SCGB2B2: variants seen among roughly 807,000 people sequenced by gnomAD.
SCGB2B2 encodes the protein secretoglobin-like protein.
In SCGB2B2, 11 loss-of-function variants were observed where a neutral mutation model predicts 7.6. The observed-to-expected ratio is 1.45, with a 90% CI of 0.91 to 2.40. The LOEUF (loss-of-function observed/expected upper bound fraction) is 2.40. Ranked by LOEUF, SCGB2B2 falls within the 30% of genes most tolerant of loss-of-function variation. The pLI, the probability that SCGB2B2 is intolerant of heterozygous loss-of-function variation, is 0.00. For missense variants in SCGB2B2, 104 were observed against 115.4 expected (o/e 0.90, Z 0.45); for synonymous variants, 50 against 48.6 (o/e 1.03, Z -0.12).
chr19:34,631,289 T>A (rs2066526499), intron 1 of SCGB2B2, among the ~76,000 whole-genome samples: 1 of 151,136 alleles, frequency 6.6e-6, no homozygotes, highest in Admixed American at 6.6e-5. Context: ...TTGTAAACTT[T>A]CTTAGAACAT....
chr19:34,644,393 A>AT (rs1237866108), intron 1 of SCGB2B2, among the ~76,000 whole-genome samples: 1 of 147,020 alleles, frequency 6.8e-6, no homozygotes, highest in East Asian at 2.0e-4. Flanking sequence ...TAAAATATAC[A>AT]TAGCATGAAG....
chr19:34,600,777 G>A (rs183675810), intron 1 of SCGB2B2, among the ~76,000 whole-genome samples: 15 of 152,174 alleles, frequency 9.9e-5, no homozygotes, highest in Admixed American at 2.0e-4. Context: ...CTTGGTAAGA[G>A]CCCTTGTTTG....
chr19:34,631,063 A>G (rs1056718035), intron 1 of SCGB2B2, among the ~76,000 whole-genome samples: 3 of 139,736 alleles, frequency 2.1e-5, no homozygotes, highest in Admixed American at 8.0e-5. Context: ...GAATTGAACA[A>G]TGAGAACACG....
chr19:34,626,814 A>G (rs1185723116), intron 1 of SCGB2B2, among the ~76,000 whole-genome samples: 1 of 152,212 alleles, frequency 6.6e-6, no homozygotes, highest in East Asian at 1.9e-4. Context: ...TGTCAGATTC[A>G]CCAAAGTTGA....
chr19:34,662,172 G>A (rs551947966), intron 1 of SCGB2B2, among the ~76,000 whole-genome samples: 11 of 152,112 alleles, frequency 7.2e-5, no homozygotes, highest in African/African-American at 1.9e-4. Context: ...GAGCCACCGC[G>A]CCGGGCCATG....
At chr19:34,639,140 A>T (rs2066770623) in intron 1 of SCGB2B2, among the ~76,000 whole-genome samples, 1 of 152,218 alleles carries the variant, frequency 6.6e-6, no homozygotes, top group Non-Finnish European at 1.5e-5. Flanking sequence ...ATGGGACCAT[A>T]ATCTGTGGAT....
chr19:34,666,981 G>A (rs1326523596), intron 1 of SCGB2B2, among the ~76,000 whole-genome samples: 3 of 152,040 alleles, frequency 2.0e-5, no homozygotes, highest in South Asian at 4.2e-4. Context: ...ATCATCCCAC[G>A]GAGCTGGAAA....
chr19:34,665,552 G>A lies in SCGB2B2; in HGVS notation c.-2032+10078C>T, dbSNP rs555708095. Among the ~76,000 whole-genome samples the A allele has an allele frequency of 1.2e-4, 18 of 152,306 alleles. No homozygotes were observed. In the South Asian group the frequency reaches 2.9e-3, roughly 25 times the overall value. On this transcript the variant is annotated intron_variant, in intron 1 of 3. Coordinates refer to ENST00000601241, the MANE Select transcript of SCGB2B2 (RefSeq NM_001025591.4). ...TCATGTCATGCAGGTGACCTCATGC[G>A]GGCATGGTGGCACTTGTGGGGCAGT...
chr19:34,663,971 G>A (rs930680116), intron 1 of SCGB2B2, among the ~76,000 whole-genome samples: 2 of 61,342 alleles, frequency 3.3e-5, no homozygotes, highest in Admixed American at 1.5e-4. Flanking sequence ...TGTCCTCCCC[G>A]CCCACCCCAC....
rs896477126 is a variant in SCGB2B2, at chr19:34,676,352, T to G, written c.-2754A>C. ...CTAAGAGAAACGCTCATCAGTGCCATGGCAATTTACAAATGCCATGGTAAG... is the reference window on the plus strand; with the variant it reads ...CTAAGAGAAACGCTCATCAGTGCCAGGGCAATTTACAAATGCCATGGTAAG... On this transcript the variant is annotated 5_prime_UTR_variant, in exon 1 of 4. The change abolishes an upstream ATG in the 5' untranslated region. Coordinates refer to ENST00000601241, the MANE Select transcript of SCGB2B2 (RefSeq NM_001025591.4). 3.9e-5 allele frequency: 6 copies of G among 152,230 alleles called. No homozygotes were observed. The highest frequency in any genetic ancestry group is 1.4e-4 in the African/African-American group (6 of 41,458). 9.4% of individuals were successfully genotyped at this position (152,230 alleles called of 1,614,324 possible).
At chr19:34,617,232 G>T (rs939642383) in intron 1 of SCGB2B2, among the ~76,000 whole-genome samples, 2 of 151,898 alleles carry the variant, frequency 1.3e-5, no homozygotes, top group African/African-American at 4.8e-5. Context: ...AAAGTCATTG[G>T]TAGCTTGATG....
In SCGB2B2 at chr19:34,593,331, T is replaced by C. The variant is rs2065347013; in HGVS notation, c.*224A>G. ...GCCAAAAAGAAAACAGGCATGTCTA[T>C]GCTACACCTGTAGAGTTTTTCCTCA... is the stretch of plus-strand genomic sequence containing the variant. On this transcript the variant is annotated 3_prime_UTR_variant, in exon 4 of 4. Coordinates refer to ENST00000601241, the MANE Select transcript of SCGB2B2 (RefSeq NM_001025591.4). 5.7e-6 allele frequency: 3 copies of C among 521,956 alleles called. No individual in the cohort carries two copies. The highest frequency in any genetic ancestry group is 1.0e-5 in the Non-Finnish European group (3 of 291,206). The allele number at this position is 521,956 out of a possible 1,614,324, so 32.3% of individuals were successfully genotyped here.
chr19:34,636,801 G>T (rs546018427), intron 1 of SCGB2B2, among the ~76,000 whole-genome samples: 1 of 152,080 alleles, frequency 6.6e-6, no homozygotes, highest in Non-Finnish European at 1.5e-5. Flanking sequence ...CAGCCCTGAC[G>T]TTAAGCCATC....
chr19:34,649,935 GTTCTTC>G (rs746058771), intron 1 of SCGB2B2, among the ~76,000 whole-genome samples: 17 of 151,070 alleles, frequency 1.1e-4, no homozygotes, highest in Non-Finnish European at 2.1e-4. Context: ...CTGACCATCT[GTTCTTC>G]TTCTTCAAGT....
chr19:34,620,549 G>C (rs966256496), intron 1 of SCGB2B2, among the ~76,000 whole-genome samples: 3 of 151,492 alleles, frequency 2.0e-5, no homozygotes, highest in African/African-American at 4.8e-5. Context: ...ATTGCATTAG[G>C]AGATATACCT....
At chr19:34,668,218 G>A (rs1477389880) in intron 1 of SCGB2B2, among the ~76,000 whole-genome samples, 3 of 152,200 alleles carry the variant, frequency 2.0e-5, no homozygotes, top group African/African-American at 7.2e-5. Context: ...GGGAACCGGG[G>A]CTGAGCGTGG....
At chr19:34,605,912 G>GTATC (rs1427000657) in intron 1 of SCGB2B2, among the ~76,000 whole-genome samples, 2 of 151,914 alleles carry the variant, frequency 1.3e-5, no homozygotes, top group Non-Finnish European at 2.9e-5. Context: ...AATTTTAAAG[G>GTATC]TATCAATGTA....
intron 1 of SCGB2B2, among the ~76,000 whole-genome samples, chr19:34,659,548 A>G (rs1198154965): frequency 1.3e-5 from 2 of 152,218 alleles, no homozygotes; most frequent in African/African-American, 4.8e-5. Context: ...ATTACTACAA[A>G]GAGAATAAAA....
At chr19:34,598,071 G>A (rs918329802) in intron 1 of SCGB2B2, among the ~76,000 whole-genome samples, 2 of 152,148 alleles carry the variant, frequency 1.3e-5, no homozygotes, top group Non-Finnish European at 2.9e-5. Context: ...AGGGGTCAGC[G>A]GGGGCTGCAA....
Sources: gnomAD v4.1 joint callset for allele counts (sites outside exome capture counted in the v4.1 genomes callset) on GRCh38, gnomAD v4.1.1 for gene constraint, MANE v1.5 for transcripts, NCBI Gene and HGNC (gene_info 2026-07-23, HGNC 2026-07-21) for gene names.